Variants in TRMT11 observed in about 807,000 individuals in gnomAD.
TRMT11 encodes the protein tRNA methyltransferase 11.
TRMT11 carries 53 observed loss-of-function variants against 62.8 expected under a neutral mutation model. The ratio of observed to expected loss-of-function variants is 0.84; its 90% CI spans 0.68 to 1.06. The LOEUF is 1.06. Among genes scored for constraint, TRMT11 ranks in the 50% least tolerant of loss-of-function variants. The pLI is 0.00. For missense variants in TRMT11, 556 were observed against 553.4 expected (o/e 1.00, Z -0.05); for synonymous variants, 188 against 190.3 (o/e 0.99, Z 0.10).
At chr6:126,094,532 C>CA (rs762672508) in intron 17 of TRMT11, among the ~76,000 whole-genome samples, 2 of 152,178 alleles carry the variant, frequency 1.3e-5, no homozygotes, top group African/African-American at 2.4e-5. Flanking sequence ...CTTGTTTCGT[C>CA]AGACTTTCTG....
chr6:126,072,063 C>T (rs1776874890), intron 17 of TRMT11, among the ~76,000 whole-genome samples: 1 of 152,052 alleles, frequency 6.6e-6, no homozygotes, highest in African/African-American at 2.4e-5. Context: ...GGCTCTGTCT[C>T]CTTGAATCAC....
In TRMT11 at chr6:126,007,703, TTGTC is replaced by T. The variant is rs528009453; in HGVS notation, c.680-686_680-683del. Among the ~76,000 whole-genome samples the T allele has an allele frequency of 1.8e-3, 280 of 152,160 alleles. 3 individuals carry two copies. Among genetic ancestry groups the T allele is most frequent in the African/African-American group, 5.5e-3 (228 of 41,564 alleles). On this transcript the variant is annotated intron_variant, in intron 7 of 12. Coordinates refer to ENST00000334379, the MANE Select transcript of TRMT11 (RefSeq NM_001031712.3). Reference sequence around the variant, plus strand: ...AGCTGGTCACATCTGTCACATTACTTTGTCTGGTCAGATTGTATTGGGACAGTTG... The same window carrying T: ...AGCTGGTCACATCTGTCACATTACTTTGGTCAGATTGTATTGGGACAGTTG...
At chr6:126,117,796 A>G (rs1777607180) in intron 21 of TRMT11, among the ~76,000 whole-genome samples, 3 of 152,122 alleles carry the variant, frequency 2.0e-5, no homozygotes, top group African/African-American at 7.2e-5. Flanking sequence ...ATATCACTGT[A>G]AATGGAGTCA....
intron 11 of TRMT11, among the ~76,000 whole-genome samples, chr6:126,016,652 A>G (rs981400424): frequency 2.0e-5 from 3 of 151,864 alleles, no homozygotes; most frequent in African/African-American, 7.3e-5. Flanking sequence ...CCAAATACAT[A>G]TAACCAAAGT....
At chr6:126,255,492 CTT>C in the TRMT11 span, among the ~76,000 whole-genome samples, 1 of 152,124 alleles carries the variant, frequency 6.6e-6, no homozygotes. Flanking sequence ...AATTTTGAGA[CTT>C]CCAGGAAAAA....
intron 7 of TRMT11, 51 bp downstream of exon 7, chr6:125,999,664 T>A: frequency 6.8e-7 from 1 of 1,478,676 alleles, no homozygotes; most frequent in Non-Finnish European, 9.2e-7. Context: ...TTATTTATAT[T>A]AATGAAGGTC....
At position 125,998,282 on chromosome 6, in the gene TRMT11, A is replaced by G. The variant is rs1265910189; in HGVS notation, c.354A>G (p.Thr118=). The G allele has an allele frequency of 1.9e-6, 3 of 1,601,868 alleles. No homozygotes were observed. The highest frequency in any genetic ancestry group is 2.6e-6 in the Non-Finnish European group (3 of 1,169,922). Residue 118 remains threonine, a synonymous_variant, in exon 5 of 13, where the codon ACA becomes ACG. Transcript: ENST00000334379. ...TAAAGATTCACACTTTTAATAAGAC[A>G]TTGACACAAGAAGAGAAAATCAAGC... is the stretch of plus-strand genomic sequence containing the variant. The part of the protein sequence containing the change: ...YKIKIHTFNK[T]LTQEEKIKRI...
In TRMT11 at chr6:126,013,080, G is replaced by C; in HGVS notation, c.1118G>C (p.Trp373Ser). The C allele has an allele frequency of 1.2e-6, 2 of 1,613,184 alleles. No homozygotes were observed. Among genetic ancestry groups the C allele is most frequent in the Non-Finnish European group, 1.7e-6 (2 of 1,179,732 alleles). The change falls in exon 11 of 13, where the codon TGG becomes TCG. Residue 373 changes from tryptophan (W) to serine (S), a missense_variant. Coordinates refer to ENST00000334379, the MANE Select transcript of TRMT11 (RefSeq NM_001031712.3). ...TLVLGGRLVYWLPVYTPEYTE... is the reference protein window; with the variant it reads ...TLVLGGRLVYSLPVYTPEYTE... The stretch of plus-strand genomic sequence containing the variant: ...GTTTTAGGTGGAAGACTAGTCTATT[G>C]GTTACCGGTGTATACGCCAGAGTAT...
chr6:126,137,899 A>G (rs748143878), intron 21 of TRMT11, among the ~76,000 whole-genome samples: 21 of 151,852 alleles, frequency 1.4e-4, no homozygotes, highest in Non-Finnish European at 1.5e-4. Flanking sequence ...TTTGAATCAT[A>G]GGTAGGGGCA....
chr6:126,062,271 C>T (rs117382493), intron 17 of TRMT11, among the ~76,000 whole-genome samples: 11 of 152,236 alleles, frequency 7.2e-5, no homozygotes, highest in Admixed American at 3.3e-4. Context: ...GCAAAGGAAT[C>T]GAAATATAGT....
the TRMT11 span, among the ~76,000 whole-genome samples, chr6:126,216,715 G>A: frequency 4.6e-5 from 7 of 151,990 alleles, no homozygotes; most frequent in Admixed American, 6.6e-5. Context: ...ATGTTTTGAG[G>A]TAGTCTTTTT....
chr6:126,246,134 G>C, the TRMT11 span, among the ~76,000 whole-genome samples: 8 of 152,058 alleles, frequency 5.3e-5, no homozygotes, highest in African/African-American at 1.9e-4. Flanking sequence ...AAATTAGCCA[G>C]GTGTAGTGAT....
At chr6:126,255,887 G>A in the TRMT11 span, among the ~76,000 whole-genome samples, 1 of 152,142 alleles carries the variant, frequency 6.6e-6, no homozygotes, top group African/African-American at 2.4e-5. Context: ...CTAATGCTGT[G>A]TGACAAGTCA....
intron 17 of TRMT11, among the ~76,000 whole-genome samples, chr6:126,091,016 C>G (rs1164944661): frequency 6.6e-6 from 1 of 152,044 alleles, no homozygotes; most frequent in African/African-American, 2.4e-5. Context: ...TTCGAGACCA[C>G]CTGGTCAACA....
intron 21 of TRMT11, among the ~76,000 whole-genome samples, chr6:126,131,551 A>T (rs1777783562): frequency 6.6e-6 from 1 of 151,972 alleles, no homozygotes; most frequent in African/African-American, 2.4e-5. Context: ...CACAGAAACG[A>T]GGCCAGACTG....
chr6:126,068,074 C>G (rs1026038007), intron 17 of TRMT11, among the ~76,000 whole-genome samples: 2 of 152,084 alleles, frequency 1.3e-5, no homozygotes, highest in African/African-American at 2.4e-5. Context: ...AGAACCTCTT[C>G]CCATGTGTAT....
At chr6:126,099,851 A>G (rs1483760875) in intron 17 of TRMT11, among the ~76,000 whole-genome samples, 1 of 152,216 alleles carries the variant, frequency 6.6e-6, no homozygotes, top group East Asian at 1.9e-4. Flanking sequence ...TCCTGAGTTG[A>G]TTTTTGAAAC....
At chr6:126,167,137 T>G (rs1778277635) in intron 21 of TRMT11, among the ~76,000 whole-genome samples, 1 of 152,136 alleles carries the variant, frequency 6.6e-6, no homozygotes. Flanking sequence ...TCTGTCTCGC[T>G]GGCATTCCAT....
chr6:126,221,993 C>G, the TRMT11 span, among the ~76,000 whole-genome samples: 1 of 152,066 alleles, frequency 6.6e-6, no homozygotes, highest in Non-Finnish European at 1.5e-5. Flanking sequence ...TTGTAAAAGG[C>G]GAAAGGAAAG....
Sources: allele counts gnomAD v4.1 joint callset (sites outside exome capture counted in the v4.1 genomes callset), GRCh38; gene constraint gnomAD v4.1.1; transcripts MANE v1.5; gene names NCBI Gene and HGNC (gene_info 2026-07-23, HGNC 2026-07-21).